Variants in LRP2 observed in about 807,000 individuals in gnomAD.
LRP2 encodes LDL receptor related protein 2, also known as low-density lipoprotein receptor-related protein 2.
Under a neutral mutation model 531.0 loss-of-function variants are expected in LRP2, and 172 were observed. The observed-to-expected ratio is 0.32, with a 90% CI of 0.29 to 0.37. The LOEUF (loss-of-function observed/expected upper bound fraction) is 0.37, where lower values mean the gene tolerates loss of function less well. LRP2 is among the 10% of genes least tolerant of loss of function. LRP2 has a pLI of 1.00. For synonymous variants in LRP2, 1,992 were observed against 2,027.6 expected (o/e 0.98, Z 0.47); for missense variants, 5,167 against 5,868.3 (o/e 0.88, Z 3.90).
chr2:169,309,268 T>C (rs1684521024), intron 3 of LRP2, among the ~76,000 whole-genome samples: 1 of 152,240 alleles, frequency 6.6e-6, no homozygotes, highest in Non-Finnish European at 1.5e-5. Flanking sequence ...TTACCATTGC[T>C]TTTGGTGTTT....
At chr2:169,152,771 G>A (rs1226945945) in intron 67 of LRP2, 28 bp downstream of exon 67, 3 of 1,613,422 alleles carry the variant, frequency 1.9e-6, no homozygotes, top group Middle Eastern at 1.7e-4. Context: ...AACAGAACAG[G>A]TAAGGGGGGA....
chr2:169,262,157 T>A (rs1002843242), intron 16 of LRP2, among the ~76,000 whole-genome samples: 78 of 149,072 alleles, frequency 5.2e-4, no homozygotes, highest in Middle Eastern at 3.6e-3. Flanking sequence ...GGGCAAAAAC[T>A]GGAAGCATTC....
chr2:169,360,382 G>T (rs1334376105), intron 1 of LRP2, among the ~76,000 whole-genome samples: 1 of 152,086 alleles, frequency 6.6e-6, no homozygotes, highest in Non-Finnish European at 1.5e-5. Flanking sequence ...AACAAAGCCT[G>T]CCACATATAT....
intron 15 of LRP2, among the ~76,000 whole-genome samples, chr2:169,272,003 A>G (rs549298429): frequency 6.6e-6 from 1 of 152,278 alleles, no homozygotes; most frequent in African/African-American, 2.4e-5. Context: ...CAAAATTATT[A>G]GACAACGCAC....
intron 31 of LRP2, among the ~76,000 whole-genome samples, 186 bp from the exon 32 acceptor site, chr2:169,226,774 C>T (rs1689215976): frequency 6.6e-6 from 1 of 152,134 alleles, no homozygotes; most frequent in Admixed American, 6.5e-5. Context: ...GGCTGCTGGA[C>T]CACAAGACCT....
At position 169,150,960 on chromosome 2, in the gene LRP2, T is replaced by C. The variant is rs1310165172; in HGVS notation, c.12528A>G (p.Arg4176=). The C allele has an allele frequency of 6.2e-7, 1 of 1,614,016 alleles. No homozygotes were observed. Among genetic ancestry groups the C allele is most frequent in the Non-Finnish European group, 8.5e-7 (1 of 1,179,978 alleles). ...IEVAKLDGRY[R]KWLISTDLDQ... is the part of the protein sequence containing the mutation. Reference sequence around the variant, plus strand: ...CCAGGTCAGTGGAAATCAGCCACTTTCTGTACCTTCCATCAAGTTTAGCCA... The same window carrying C: ...CCAGGTCAGTGGAAATCAGCCACTTCCTGTACCTTCCATCAAGTTTAGCCA... Residue 4176 remains arginine, a synonymous_variant, in exon 68 of 79, where the codon AGA becomes AGG. Transcript: ENST00000649046.
intron 1 of LRP2, among the ~76,000 whole-genome samples, chr2:169,348,621 A>G (rs574418854): frequency 1.3e-5 from 2 of 152,224 alleles, no homozygotes; most frequent in African/African-American, 2.4e-5. Context: ...CACGAAGTCT[A>G]AAAACTTTGG....
intron 15 of LRP2, among the ~76,000 whole-genome samples, chr2:169,272,228 T>C (rs866450475): frequency 5.9e-5 from 9 of 151,892 alleles, no homozygotes; most frequent in Admixed American, 1.3e-4. Context: ...ATTGTAGGAG[T>C]GCATTTCATC....
chr2:169,311,792 C>CA (rs1403364713), intron 3 of LRP2, among the ~76,000 whole-genome samples: 2 of 152,116 alleles, frequency 1.3e-5, no homozygotes, highest in Non-Finnish European at 2.9e-5. Flanking sequence ...CTAATGTTGA[C>CA]AGTGGGGTGT....
At chr2:169,217,451 G>A (rs1438473905) in intron 34 of LRP2, among the ~76,000 whole-genome samples, 1 of 151,968 alleles carries the variant, frequency 6.6e-6, no homozygotes, top group African/African-American at 2.4e-5. Context: ...TTGCCCTTAA[G>A]CCCTGCCTGA....
chr2:169,203,136 CA>C (rs1688258568), intron 42 of LRP2, among the ~76,000 whole-genome samples, 177 bp from the exon 43 acceptor site: 1 of 149,988 alleles, frequency 6.7e-6, no homozygotes, highest in Non-Finnish European at 1.5e-5. Context: ...TCAAGAAGAG[CA>C]ATCACCAATT....
At chr2:169,289,244 A>G in intron 8 of LRP2, 99 bp from the exon 9 acceptor site, 3 of 1,444,948 alleles carry the variant, frequency 2.1e-6, no homozygotes, top group South Asian at 1.2e-5. Flanking sequence ...CTCAGTAAGC[A>G]TGAAGTAGAT....
intron 1 of LRP2, among the ~76,000 whole-genome samples, chr2:169,321,768 C>G (rs1030901261): frequency 6.6e-6 from 1 of 152,128 alleles, no homozygotes. Context: ...ATCTCTGCAG[C>G]CAACAAGAGT....
chr2:169,209,680 T>C, intron 37 of LRP2, 39 bp from the exon 38 acceptor site: 1 of 1,593,974 alleles, frequency 6.3e-7, no homozygotes, highest in Non-Finnish European at 8.6e-7. Flanking sequence ...ATGCTGTCAC[T>C]GAAATTAGAA....
chr2:169,195,642 A>T (rs893590051), intron 46 of LRP2, among the ~76,000 whole-genome samples: 3 of 152,200 alleles, frequency 2.0e-5, no homozygotes, highest in Non-Finnish European at 4.4e-5. Flanking sequence ...TTAAAAACTC[A>T]TATTAATTAT....
chr2:169,177,802 C>A lies in LRP2; in HGVS notation c.10393+1G>T. ...GCCAAACCCCTCAATCACCTACTCA[C>A]CAATGGGCTGCCTATATGGATGGTA... On this transcript the variant is annotated splice_donor_variant, in intron 53 of 78. Transcript: ENST00000649046. LOFTEE classifies it high-confidence loss of function. 6.2e-7 allele frequency: 1 copy of A among 1,614,060 alleles called. No homozygotes were observed. The highest frequency in any genetic ancestry group is 8.5e-7 in the Non-Finnish European group (1 of 1,179,876).
chr2:169,231,300 A>G (rs1689390474), intron 31 of LRP2, among the ~76,000 whole-genome samples: 1 of 135,114 alleles, frequency 7.4e-6, no homozygotes, highest in African/African-American at 3.3e-5. Context: ...TCTCAGAAAG[A>G]AAAAAAAAAG....
At chr2:169,186,935 T>C (rs767909999) in intron 49 of LRP2, among the ~76,000 whole-genome samples, 2 of 152,240 alleles carry the variant, frequency 1.3e-5, no homozygotes, top group Non-Finnish European at 2.9e-5. Flanking sequence ...TTCCCTATGA[T>C]TTTTGTATAA....
intron 1 of LRP2, among the ~76,000 whole-genome samples, chr2:169,361,181 G>A (rs1686138431): frequency 1.3e-5 from 2 of 152,036 alleles, no homozygotes; most frequent in Non-Finnish European, 2.9e-5. Flanking sequence ...TGGCAGCAGC[G>A]TCCCCTCTGT....
Sources: allele counts gnomAD v4.1 joint callset (sites outside exome capture counted in the v4.1 genomes callset), GRCh38; gene constraint gnomAD v4.1.1; transcripts MANE v1.5; gene names NCBI Gene and HGNC (gene_info 2026-07-23, HGNC 2026-07-21).